Variants in MAST4 observed in about 807,000 individuals in gnomAD.
The protein encoded by MAST4 is microtubule-associated serine/threonine-protein kinase 4.
Under a neutral mutation model 162.7 loss-of-function variants are expected in MAST4, and 89 were observed. That is an observed-to-expected ratio of 0.55 (90% CI 0.46 to 0.65). MAST4 has a LOEUF of 0.65. Among genes scored for constraint, MAST4 ranks in the 30% least tolerant of loss-of-function variants. The pLI, the probability that MAST4 is intolerant of heterozygous loss-of-function variation, is 0.00. For synonymous variants in MAST4, 1,479 were observed against 1,361.1 expected, an observed-to-expected ratio of 1.09 and a Z score of -1.91; for missense variants, 3,153 against 3,374.0, an observed-to-expected ratio of 0.93 and a Z score of 1.62.
At chr5:66,691,972 A>G (rs1034726875) in intron 1 of MAST4, among the ~76,000 whole-genome samples, 3 of 152,176 alleles carry the variant, frequency 2.0e-5, no homozygotes, top group African/African-American at 7.2e-5. Flanking sequence ...TCCCCAGGGC[A>G]AGAATTTTAC....
intron 3 of MAST4, among the ~76,000 whole-genome samples, chr5:66,790,994 AAT>A: frequency 2.0e-5 from 3 of 152,152 alleles, no homozygotes; most frequent in African/African-American, 7.2e-5. Context: ...ACTGTCACAG[AAT>A]AATATGTTTT....
chr5:66,851,994 A>G (rs1410450919), intron 3 of MAST4, among the ~76,000 whole-genome samples: 1 of 152,208 alleles, frequency 6.6e-6, no homozygotes, highest in African/African-American at 2.4e-5. Flanking sequence ...AATTTCCATG[A>G]ACAGTTTTAG....
intron 3 of MAST4, among the ~76,000 whole-genome samples, chr5:66,797,783 A>G (rs538856524): frequency 3.5e-4 from 53 of 152,280 alleles, no homozygotes; most frequent in African/African-American, 1.3e-3. Flanking sequence ...GGCAAGCTTC[A>G]AGGCCAAGTG....
chr5:66,924,137 C>G (rs1356269335), intron 4 of MAST4, among the ~76,000 whole-genome samples: 1 of 152,102 alleles, frequency 6.6e-6, no homozygotes, highest in African/African-American at 2.4e-5. Context: ...GATCTGCTTG[C>G]AAAGTAGGAA....
rs1240891852 is a variant in MAST4 at position 67,144,722 on chromosome 5, C to T, written c.2784C>T (p.Asp928=). The T allele has an allele frequency of 6.8e-6, 11 of 1,613,930 alleles. No homozygotes were observed. In the South Asian group the frequency reaches 1.1e-4, roughly 16 times the overall value. ...ITQNSAEEKE[D]SVDKTKSTTL... ...AGAATTCAGCAGAAGAGAAGGAAGACTCTGTGGACAAAACCAAAAGCACCA... is the reference window on the plus strand; with the variant it reads ...AGAATTCAGCAGAAGAGAAGGAAGATTCTGTGGACAAAACCAAAAGCACCA... Residue 928 remains aspartate, a synonymous_variant, in exon 22 of 29, where the codon GAC becomes GAT. Transcript: ENST00000403625.
At chr5:66,760,111 A>ATTTATTTT (rs1753773389) in intron 2 of MAST4, among the ~76,000 whole-genome samples, 4 of 150,590 alleles carry the variant, frequency 2.7e-5, no homozygotes, top group Non-Finnish European at 5.9e-5. Context: ...TTATTTATTT[A>ATTTATTTT]TTTATTTATT....
Position 66,596,889 on chromosome 5 carries a change from C to T in MAST4, c.234C>T (p.Pro78=). 7.7e-7 allele frequency: 1 copy of T among 1,295,136 alleles called. No homozygotes were observed. Among genetic ancestry groups the T allele is most frequent in the Non-Finnish European group, 9.8e-7 (1 of 1,024,432 alleles). The allele number at this position is 1,295,136 out of a possible 1,614,324, so 80.2% of individuals were successfully genotyped here. The change falls in exon 1 of 29, where the codon CCC becomes CCT. Residue 78 remains proline, a synonymous_variant. Coordinates refer to ENST00000403625, the MANE Select transcript of MAST4 (RefSeq NM_001164664.2). ...GAGGCACCCTGGGCGCCCGGGCGCC[C>T]GCCGCGTGGGCTCCGGCAAGCGTGC... is the stretch of plus-strand genomic sequence containing the variant. ...PLGGTLGARA[P]AAWAPASVLL... is the part of the protein sequence containing the mutation.
chr5:66,845,124 T>TACAC (rs1250010685), intron 3 of MAST4, among the ~76,000 whole-genome samples: 25 of 98,918 alleles, frequency 2.5e-4, no homozygotes, highest in South Asian at 3.9e-4. Flanking sequence ...TATATATATA[T>TACAC]ATACACACAC....
At chr5:66,770,404 G>A (rs1277900027) in intron 2 of MAST4, among the ~76,000 whole-genome samples, 1 of 152,172 alleles carries the variant, frequency 6.6e-6, no homozygotes, top group Admixed American at 6.5e-5. Context: ...CTGCCTCCCA[G>A]TGGCTCTCTG....
intron 4 of MAST4, among the ~76,000 whole-genome samples, chr5:67,008,803 G>A (rs895217801): frequency 3.3e-5 from 5 of 152,142 alleles, no homozygotes; most frequent in African/African-American, 1.2e-4. Flanking sequence ...TAATTGCTAT[G>A]AACAGCAGGT....
At position 66,716,501 on chromosome 5, in the gene MAST4, G is replaced by A. The variant is rs375715626; in HGVS notation, c.364-43208G>A. Among the ~76,000 whole-genome samples the A allele has an allele frequency of 9.2e-5, 14 of 151,518 alleles. No homozygotes were observed. The East Asian group carries it at 2.3e-3, about 25-fold the overall frequency. ...GCTGGGACTACAGGTGTACATCACC[G>A]TGCCCAGCTAATTAAAAAAAAAATT... On this transcript the variant is annotated intron_variant, in intron 1 of 28. Coordinates refer to ENST00000403625, the MANE Select transcript of MAST4 (RefSeq NM_001164664.2).
At chr5:66,736,434 C>T (rs1481502826) in intron 1 of MAST4, among the ~76,000 whole-genome samples, 2 of 151,066 alleles carry the variant, frequency 1.3e-5, no homozygotes, top group Non-Finnish European at 2.9e-5. Context: ...CTGGGTCAGT[C>T]GCTGAATTAC....
At chr5:66,801,031 A>C (rs539912976) in intron 3 of MAST4, among the ~76,000 whole-genome samples, 171 of 152,192 alleles carry the variant, frequency 1.1e-3, no homozygotes, top group Non-Finnish European at 2.0e-3. Context: ...AAATTTGGCT[A>C]TCATTTGCCC....
intron 4 of MAST4, among the ~76,000 whole-genome samples, chr5:66,922,989 C>A (rs1259804887): frequency 6.6e-6 from 1 of 152,198 alleles, no homozygotes; most frequent in Non-Finnish European, 1.5e-5. Context: ...AGCATAAGAT[C>A]ACATTTGTTA....
intron 16 of MAST4, among the ~76,000 whole-genome samples, 184 bp downstream of exon 16, chr5:67,132,135 T>C (rs1217113663): frequency 2.0e-5 from 3 of 152,130 alleles, no homozygotes; most frequent in Non-Finnish European, 4.4e-5. Flanking sequence ...TTATTGGAAG[T>C]TCAGGAAACT....
At chr5:66,792,993 C>G (rs79013349) in intron 3 of MAST4, among the ~76,000 whole-genome samples, 1,740 of 152,126 alleles carry the variant, frequency 0.011, 35 homozygotes, top group African/African-American at 0.04. Flanking sequence ...AAGTATAGGC[C>G]CTCAACGTGA....
intron 4 of MAST4, among the ~76,000 whole-genome samples, chr5:66,980,541 C>T (rs16896099): frequency 0.084 from 12,827 of 152,060 alleles, 646 homozygotes; most frequent in African/African-American, 0.13. Context: ...CTTGTCCTCA[C>T]GTGGAATTTT....
At chr5:66,717,747 A>G (rs1036278323) in intron 1 of MAST4, among the ~76,000 whole-genome samples, 3 of 152,246 alleles carry the variant, frequency 2.0e-5, no homozygotes, top group African/African-American at 7.2e-5. Context: ...TTGGCCTCAG[A>G]TTTGTGTGGT....
intron 3 of MAST4, among the ~76,000 whole-genome samples, chr5:66,808,126 G>A (rs1756294690): frequency 6.6e-6 from 1 of 152,190 alleles, no homozygotes; most frequent in African/African-American, 2.4e-5. Flanking sequence ...TCTTCAGCTC[G>A]CCAAGTGGGA....
Sources: allele counts gnomAD v4.1 joint callset (sites outside exome capture counted in the v4.1 genomes callset), GRCh38; gene constraint gnomAD v4.1.1; transcripts MANE v1.5; gene names NCBI Gene and HGNC (gene_info 2026-07-23, HGNC 2026-07-21).